FBRSL1: variants seen among roughly 807,000 people sequenced by gnomAD.
The protein encoded by FBRSL1 is fibrosin like 1.
A neutral mutation model predicts 89.6 loss-of-function variants in FBRSL1; 51 were observed. The observed-to-expected ratio is 0.57, with a 90% CI of 0.45 to 0.72. FBRSL1 has a LOEUF of 0.72. Among genes scored for constraint, FBRSL1 ranks in the 30% least tolerant of loss-of-function variants. FBRSL1 has a pLI of 0.00. For missense variants in FBRSL1, 1,618 were observed against 1,451.8 expected, an observed-to-expected ratio of 1.11 and a Z score of -1.86; for synonymous variants, 779 against 681.1, an observed-to-expected ratio of 1.14 and a Z score of -2.24.
intron 14 of FBRSL1, 34 bp from the exon 15 acceptor site, chr12:132,576,765 G>A (rs760020351): frequency 3.6e-5 from 55 of 1,540,018 alleles, no homozygotes; most frequent in African/African-American, 9.6e-5. Flanking sequence ...GCCAGTCCCC[G>A]GGCAGGCGGC....
intron 5 of FBRSL1, among the ~76,000 whole-genome samples, chr12:132,559,372 C>A (rs535837525): frequency 1.3e-5 from 2 of 152,202 alleles, no homozygotes; most frequent in African/African-American, 2.4e-5. Flanking sequence ...TCCCAACTCT[C>A]CACAGTGGCA....
intron 4 of FBRSL1, among the ~76,000 whole-genome samples, chr12:132,528,667 G>T: frequency 6.6e-6 from 1 of 152,178 alleles, no homozygotes; most frequent in African/African-American, 2.4e-5. Flanking sequence ...GTGCCTCCCC[G>T]TGGGTGCACG....
Position 132,570,343 on chromosome 12 carries a change from GC to G in FBRSL1, c.1017del (p.Ser339ArgfsTer88). 1 of 1,531,280 alleles carries G rather than the reference GC, an allele frequency of 6.5e-7. No individual in the cohort carries two copies. 94.9% of individuals were successfully genotyped at this position (1,531,280 alleles called of 1,614,324 possible). On this transcript the variant is annotated frameshift_variant, in exon 8 of 19. Coordinates refer to ENST00000680143, the MANE Select transcript of FBRSL1 (RefSeq NM_001367871.1). LOFTEE classifies it high-confidence loss of function. ...AGCCCCGTGTCCCGCAGCAGGAGCA[GC>G]AGCGCCCCCCTGGGCCTGGGGAAGC... ...ANGLHGLSRS[S>X]SAPLGLGKHV...
intron 9 of FBRSL1, chr12:132,571,647 CCTCT>C (rs1443686720): frequency 4.4e-6 from 3 of 679,284 alleles, no homozygotes; most frequent in Non-Finnish European, 4.2e-6. Flanking sequence ...GCCGGCGGCA[CCTCT>C]CTGTCGTCTG....
At chr12:132,542,731 C>T (rs1054023099) in intron 4 of FBRSL1, among the ~76,000 whole-genome samples, 7 of 152,194 alleles carry the variant, frequency 4.6e-5, no homozygotes, top group African/African-American at 9.7e-5. Context: ...CCTGCCTGGT[C>T]GGGGCCAGAC....
Position 132,575,135 on chromosome 12 carries a change from G to A in FBRSL1, c.1701+571G>A, listed in dbSNP as rs182917385. Among the ~76,000 whole-genome samples the A allele has an allele frequency of 3.6e-3, 546 of 152,252 alleles. 3 individuals are homozygous for A. Among genetic ancestry groups the A allele is most frequent in the African/African-American group, 0.012 (505 of 41,552 alleles). ...GACCCTGCACCTCTGCTGTCCCTGCGCTGTCCTGATGACGCACGTCACCTC... is the reference window on the plus strand; with the variant it reads ...GACCCTGCACCTCTGCTGTCCCTGCACTGTCCTGATGACGCACGTCACCTC... On this transcript the variant is annotated intron_variant, in intron 14 of 18. Transcript: ENST00000680143.
At chr12:132,568,854 G>T (rs968095827) in intron 6 of FBRSL1, among the ~76,000 whole-genome samples, 1 of 152,050 alleles carries the variant, frequency 6.6e-6, no homozygotes, top group Non-Finnish European at 1.5e-5. Context: ...CAGGTGAAGA[G>T]TGAAGATGGG....
At chr12:132,523,048 G>A (rs1426160161) in intron 2 of FBRSL1, among the ~76,000 whole-genome samples, 1 of 152,164 alleles carries the variant, frequency 6.6e-6, no homozygotes, top group Admixed American at 6.5e-5. Context: ...CAAGGCTGGG[G>A]TGGGCACAGG....
chr12:132,557,569 G>A (rs1266495682), intron 5 of FBRSL1, among the ~76,000 whole-genome samples: 1 of 152,216 alleles, frequency 6.6e-6, no homozygotes, highest in Non-Finnish European at 1.5e-5. Flanking sequence ...GGTCAGTGCT[G>A]AAGGCGGCCT....
At chr12:132,504,905 G>A (rs1421335002) in intron 1 of FBRSL1, among the ~76,000 whole-genome samples, 3 of 152,174 alleles carry the variant, frequency 2.0e-5, no homozygotes, top group Non-Finnish European at 4.4e-5. Flanking sequence ...TGAGGTGGGC[G>A]GATCACCTGA....
At position 132,582,195 on chromosome 12, in the gene FBRSL1, G is replaced by A; in HGVS notation, c.2130G>A (p.Val710=). 18 of 1,550,196 alleles carry A rather than the reference G, an allele frequency of 1.2e-5. No homozygotes were observed. Among genetic ancestry groups the A allele is most frequent in the Non-Finnish European group, 1.6e-5 (18 of 1,146,868 alleles). Residue 710 remains valine, a synonymous_variant, in exon 18 of 19, where the codon GTG becomes GTA. Transcript: ENST00000680143. The part of the protein sequence containing the change: ...FPAPPPWPKS[V]DAERVSALTN... Reference sequence around the variant, plus strand: ...CTCCGCCCCCGTGGCCCAAGTCCGTGGACGCGGAGCGGGTGTCAGCCCTGA... The same window carrying A: ...CTCCGCCCCCGTGGCCCAAGTCCGTAGACGCGGAGCGGGTGTCAGCCCTGA...
intron 1 of FBRSL1, among the ~76,000 whole-genome samples, chr12:132,506,749 CTG>C: frequency 6.6e-6 from 1 of 152,392 alleles, no homozygotes; most frequent in South Asian, 2.1e-4. Context: ...AGCAGGAACT[CTG>C]GAGGCCATGG....
chr12:132,583,488 G>A lies in FBRSL1; in HGVS notation c.2719G>A (p.Ala907Thr). The A allele has an allele frequency of 2.9e-6, 3 of 1,048,140 alleles. No homozygotes were observed. The South Asian group carries it at 9.1e-5, about 32-fold the overall frequency. 64.9% of individuals were successfully genotyped at this position (1,048,140 alleles called of 1,614,324 possible). Residue 907 changes from alanine to threonine, a missense_variant, in exon 19 of 19, where the codon GCC becomes ACC. Physicochemically the swap from Ala to Thr is moderately conservative, Grantham distance 58 (BLOSUM62 0). Transcript: ENST00000680143. ...RLRGELERAR[A>T]PHLPPAAPAL... ...GCGCGGGGAGCTGGAGCGCGCGCGG[G>A]CCCCGCACCTGCCGCCCGCCGCCCC...
intron 1 of FBRSL1, 63 bp from the exon 2 acceptor site, chr12:132,508,090 C>T: frequency 6.6e-7 from 1 of 1,520,502 alleles, no homozygotes; most frequent in Non-Finnish European, 8.9e-7. Context: ...CAGGTGGGTG[C>T]TGTCCTGGGC....
chr12:132,541,659 C>T (rs559864671), intron 4 of FBRSL1, among the ~76,000 whole-genome samples: 1 of 152,260 alleles, frequency 6.6e-6, no homozygotes, highest in African/African-American at 2.4e-5. Context: ...CAGTGTGAAG[C>T]TCAACTCGAA....
At position 132,582,147 on chromosome 12, in the gene FBRSL1, C is replaced by T; in HGVS notation, c.2082C>T (p.His694=). ...CCCATGAGGCCTGGAACCGACTGCA[C>T]CGGGCACCGCCCTCCTTCCCGGCTC... ...PSPHEAWNRL[H]RAPPSFPAPP... The change falls in exon 18 of 19, where the codon CAC becomes CAT. Residue 694 remains histidine, a synonymous_variant. Transcript: ENST00000680143. The T allele has an allele frequency of 6.5e-7, 1 of 1,550,034 alleles. No individual in the cohort carries two copies. The highest frequency in any genetic ancestry group is 8.7e-7 in the Non-Finnish European group (1 of 1,146,806).
chr12:132,568,556 G>A lies in FBRSL1; in HGVS notation c.691+1030G>A, dbSNP rs188593222. Among the ~76,000 whole-genome samples the A allele has an allele frequency of 3.6e-3, 548 of 152,380 alleles. 2 individuals are homozygous for A. Among genetic ancestry groups the A allele is most frequent in the Non-Finnish European group, 3.8e-3 (257 of 68,030 alleles). On this transcript the variant is annotated intron_variant, in intron 6 of 18. Transcript: ENST00000680143. ...CCGCGGCTGCTGCCGCATCTGGACGGACAATGTCCCAGTGAGGGCTGGAGG... is the reference window on the plus strand; with the variant it reads ...CCGCGGCTGCTGCCGCATCTGGACGAACAATGTCCCAGTGAGGGCTGGAGG...
chr12:132,578,732 A>T (rs747106677), intron 15 of FBRSL1, among the ~76,000 whole-genome samples: 3 of 139,540 alleles, frequency 2.1e-5, no homozygotes, highest in African/African-American at 8.2e-5. Flanking sequence ...GCCCCCCCTC[A>T]CTCTCCCCTC....
intron 4 of FBRSL1, among the ~76,000 whole-genome samples, chr12:132,531,415 A>G (rs953907400): frequency 2.0e-5 from 3 of 151,662 alleles, no homozygotes; most frequent in African/African-American, 7.3e-5. Context: ...GCATGTGTGC[A>G]TGTGCGTGTG....
Sources: gnomAD v4.1 joint callset for allele counts (sites outside exome capture counted in the v4.1 genomes callset) on GRCh38, gnomAD v4.1.1 for gene constraint, MANE v1.5 for transcripts, NCBI Gene and HGNC (gene_info 2026-07-23, HGNC 2026-07-21) for gene names.